RRP1: variants seen among roughly 807,000 people sequenced by gnomAD.
RRP1 encodes the protein ribosomal RNA processing protein 1 homolog A.
A neutral mutation model predicts 54.6 loss-of-function variants in RRP1; 37 were observed. The observed-to-expected ratio is 0.68, with a 90% CI of 0.52 to 0.89. The LOEUF is 0.89. Among genes scored for constraint, RRP1 ranks in the 40% least tolerant of loss-of-function variants. The pLI, the probability that RRP1 is intolerant of heterozygous loss-of-function variation, is 0.00. For synonymous variants in RRP1, 262 were observed against 244.3 expected, an observed-to-expected ratio of 1.07 and a Z score of -0.67; for missense variants, 639 against 612.5, an observed-to-expected ratio of 1.04 and a Z score of -0.46.
intron 4 of RRP1, 66 bp from the exon 5 acceptor site, chr21:43,795,123 G>A (rs899110708): frequency 1.3e-5 from 19 of 1,438,536 alleles, no homozygotes; most frequent in Admixed American, 1.7e-5. Context: ...GGTGGTACAT[G>A]GGGATGGGTG....
chr21:43,797,567 G>A lies in RRP1; in HGVS notation c.552+16G>A, dbSNP rs754518192. On this transcript the variant is annotated intron_variant, in intron 6 of 12. Coordinates refer to ENST00000497547, the MANE Select transcript of RRP1 (RefSeq NM_003683.6). ...CGCCGAGGAGGTGAGGCTGGGCTCC[G>A]ACGGGGCGGTGGAGCTGGGCGTTTG... 7 of 1,613,964 alleles carry A rather than the reference G, an allele frequency of 4.3e-6. No individual in the cohort carries two copies. The highest frequency in any genetic ancestry group is 1.6e-4 in the Middle Eastern group (1 of 6,062).
intron 4 of RRP1, among the ~76,000 whole-genome samples, chr21:43,794,625 A>AG: frequency 6.6e-6 from 1 of 152,172 alleles, no homozygotes; most frequent in African/African-American, 2.4e-5. Context: ...AGTAGCCTAA[A>AG]GGGGGGACAA....
chr21:43,793,764 CT>C lies in RRP1; in HGVS notation c.360+361del, dbSNP rs530294373. 1.4e-3 allele frequency among the ~76,000 whole-genome samples: 216 copies of C among 152,334 alleles called. 1 individual carries two copies. The highest frequency in any genetic ancestry group is 6.8e-3 in the Middle Eastern group (2 of 294). On this transcript the variant is annotated intron_variant, in intron 4 of 12. Coordinates refer to ENST00000497547, the MANE Select transcript of RRP1 (RefSeq NM_003683.6). ...GCAGCAGAGGAGCTGCGGTCACGCC[CT>C]AGCATGAGCCCTGGAGTGCTTAGCC...
Position 43,803,608 on chromosome 21 carries a change from G to T in RRP1, c.1220G>T (p.Gly407Val). The T allele has an allele frequency of 3.9e-6, 6 of 1,551,620 alleles. No individual in the cohort carries two copies. The highest frequency in any genetic ancestry group is 5.2e-6 in the Non-Finnish European group (6 of 1,148,074). ...GACCCCGAGGCGCGGGCAGAGGCTG[G>T]TGAGCAGCCAGGCACAGCTGAGCGG... Reference protein sequence around the residue: ...GADPEARAEAGEQPGTAERAL... With the variant: ...GADPEARAEAVEQPGTAERAL... Residue 407 changes from glycine to valine, a missense_variant, in exon 13 of 13, where the codon GGT (glycine) becomes GTT (valine). Coordinates refer to ENST00000497547, the MANE Select transcript of RRP1 (RefSeq NM_003683.6).
At chr21:43,799,841 G>C (rs2085066296) in intron 9 of RRP1, among the ~76,000 whole-genome samples, 192 bp downstream of exon 9, 1 of 152,142 alleles carries the variant, frequency 6.6e-6, no homozygotes, top group South Asian at 2.1e-4. Context: ...TGGGATCATT[G>C]AGAGTGGGGC....
chr21:43,794,203 C>T (rs534593106), intron 4 of RRP1, among the ~76,000 whole-genome samples: 9 of 152,234 alleles, frequency 5.9e-5, no homozygotes, highest in East Asian at 5.8e-4. Flanking sequence ...GAGACCAGGG[C>T]GGGAAAGGCC....
At position 43,792,746 on chromosome 21, in the gene RRP1, G is replaced by A. The variant is rs757169712; in HGVS notation, c.274+17G>A. On this transcript the variant is annotated intron_variant, in intron 3 of 12. Coordinates refer to ENST00000497547, the MANE Select transcript of RRP1 (RefSeq NM_003683.6). ...CGGAGGCGCGTGAGTATGCTCTGCT[G>A]TAGTTGGGTGCATTTGTAGATGTCA... is the stretch of plus-strand genomic sequence containing the variant. 1.5e-5 allele frequency: 25 copies of A among 1,613,454 alleles called. No homozygotes were observed. The Admixed American group carries it at 2.8e-4, about 18-fold the overall frequency.
intron 11 of RRP1, among the ~76,000 whole-genome samples, chr21:43,801,962 G>C (rs2085097345): frequency 6.6e-6 from 1 of 151,894 alleles, no homozygotes; most frequent in South Asian, 2.1e-4. Flanking sequence ...TGGTGAATAT[G>C]ATGCAGACGT....
At position 43,797,738 on chromosome 21, in the gene RRP1, G is replaced by T. The variant is rs768807481; in HGVS notation, c.617+43G>T. 6.2e-6 allele frequency: 10 copies of T among 1,606,490 alleles called. No individual in the cohort carries two copies. The Admixed American group carries it at 1.7e-4, about 27-fold the overall frequency. ...TGATCGGGCCCGACTCCTTCACTGA[G>T]TTCTTCCATGGGGCTGCTGTTGTGG... On this transcript the variant is annotated intron_variant, in intron 7 of 12. Coordinates refer to ENST00000497547, the MANE Select transcript of RRP1 (RefSeq NM_003683.6).
chr21:43,798,978 C>T lies in RRP1; in HGVS notation c.812-592C>T, dbSNP rs183951682. Among the ~76,000 whole-genome samples the T allele has an allele frequency of 1.8e-3, 273 of 149,144 alleles. 4 individuals carry two copies. Among genetic ancestry groups the T allele is most frequent in the African/African-American group, 6.4e-3 (260 of 40,806 alleles). On this transcript the variant is annotated intron_variant, in intron 8 of 12. Transcript: ENST00000497547. The stretch of plus-strand genomic sequence containing the variant: ...CCTGGTCTCTGCCTTGCCCTTCTCT[C>T]TCAGTAGCTGAGGTGCCTGGCAGGT...
intron 7 of RRP1, 74 bp from the exon 8 acceptor site, chr21:43,797,833 C>T (rs1601871119): frequency 1.3e-6 from 2 of 1,568,962 alleles, no homozygotes; most frequent in East Asian, 4.5e-5. Context: ...GGAGAGGTTG[C>T]AGGGGAGTCG....
rs948046823 is a variant in RRP1 at position 43,803,374 on chromosome 21, CGG to C, written c.1124-136_1124-135del. 2.1e-4 allele frequency: 250 copies of C among 1,210,294 alleles called. 1 individual carries two copies. In the African/African-American group the frequency reaches 3.3e-3, roughly 16 times the overall value. 75.0% of individuals were successfully genotyped at this position (1,210,294 alleles called of 1,614,324 possible). A position where few individuals can be genotyped will look rare whatever the true frequency, so the allele number is the denominator to read the frequency against. ...TGGAGCTTGGCGCCCACACTGGACA[CGG>C]GATGCGTCTGGCTGGCTGTTGTGGC... On this transcript the variant is annotated intron_variant, in intron 12 of 12. Coordinates refer to ENST00000497547, the MANE Select transcript of RRP1 (RefSeq NM_003683.6).
chr21:43,789,881 C>T (rs1268808047), intron 1 of RRP1, 119 bp downstream of exon 1: 4 of 1,244,454 alleles, frequency 3.2e-6, no homozygotes, highest in South Asian at 1.7e-5. Flanking sequence ...GTGGCCGGGC[C>T]GGGCAGGCGG....
chr21:43,793,509 C>A (rs1025418831), intron 4 of RRP1, 105 bp downstream of exon 4: 2 of 918,138 alleles, frequency 2.2e-6, no homozygotes, highest in Non-Finnish European at 3.4e-6. Flanking sequence ...TGAGGCAGTG[C>A]GACCCTGAAG....
intron 8 of RRP1, among the ~76,000 whole-genome samples, chr21:43,798,750 C>A (rs1025086675): frequency 6.6e-6 from 1 of 152,080 alleles, no homozygotes; most frequent in Non-Finnish European, 1.5e-5. Context: ...TGTTTTGATG[C>A]TGCACTCATT....
chr21:43,795,131 G>A, intron 4 of RRP1, 58 bp from the exon 5 acceptor site: 1 of 1,497,544 alleles, frequency 6.7e-7, no homozygotes, highest in Non-Finnish European at 9.3e-7. Context: ...ATGGGGATGG[G>A]TGGTCTGGCG....
At position 43,803,851 on chromosome 21, in the gene RRP1, C is replaced by G. The variant is rs146639942; in HGVS notation, c.*77C>G. 1.4e-6 allele frequency: 2 copies of G among 1,455,718 alleles called. No homozygotes were observed. The highest frequency in any genetic ancestry group is 1.5e-5 in the South Asian group (1 of 68,916). The allele number at this position is 1,455,718 out of a possible 1,614,324, so 90.2% of individuals were successfully genotyped here. ...GCGGGACGAGGCTGACCGGGCTGTT[C>G]TGTAGACTCAGGACCGTGGCTCCAG... On this transcript the variant is annotated 3_prime_UTR_variant, in exon 13 of 13. Transcript: ENST00000497547.
At chr21:43,794,873 G>A (rs1344227911) in intron 4 of RRP1, among the ~76,000 whole-genome samples, 1 of 152,220 alleles carries the variant, frequency 6.6e-6, no homozygotes, top group African/African-American at 2.4e-5. Flanking sequence ...GGACTGTTCC[G>A]TTTCAGCCCC....
Position 43,799,505 on chromosome 21 carries a change from C to G in RRP1, c.812-65C>G, listed in dbSNP as rs772028715. 2.0e-4 allele frequency: 312 copies of G among 1,532,880 alleles called. 1 individual carries two copies. The highest frequency in any genetic ancestry group is 1.0e-4 in the Non-Finnish European group (115 of 1,120,726). The allele number at this position is 1,532,880 out of a possible 1,614,324, so 95.0% of individuals were successfully genotyped here. Reference sequence around the variant, plus strand: ...GGGTGCACGGAGCGGGCTCTCCATTCCTGGATGTTTGGGGCCAGCACACGT... The same window carrying G: ...GGGTGCACGGAGCGGGCTCTCCATTGCTGGATGTTTGGGGCCAGCACACGT... On this transcript the variant is annotated intron_variant, in intron 8 of 12. Transcript: ENST00000497547.
Sources: gnomAD v4.1 joint callset for allele counts (sites outside exome capture counted in the v4.1 genomes callset) on GRCh38, gnomAD v4.1.1 for gene constraint, MANE v1.5 for transcripts, NCBI Gene and HGNC (gene_info 2026-07-23, HGNC 2026-07-21) for gene names.